Variants in ING3 observed in about 807,000 individuals in gnomAD.
ING3 encodes inhibitor of growth family member 3, also known as inhibitor of growth protein 3.
In ING3, 6 loss-of-function variants were observed where a neutral mutation model predicts 64.8. That is an observed-to-expected ratio of 0.09 (90% confidence interval 0.05 to 0.18). The LOEUF (loss-of-function observed/expected upper bound fraction) is 0.18, where lower values mean the gene tolerates loss of function less well. Ranked by LOEUF, ING3 falls within the 10% of genes least tolerant of loss-of-function variation. The pLI is 1.00. For synonymous variants in ING3, 170 were observed against 173.7 expected, an observed-to-expected ratio of 0.98 and a Z score of 0.17; for missense variants, 310 against 489.7, an observed-to-expected ratio of 0.63 and a Z score of 3.46.
At chr7:120,971,131 G>A (rs1796065276) in intron 10 of ING3, among the ~76,000 whole-genome samples, 1 of 152,146 alleles carries the variant, frequency 6.6e-6, no homozygotes, top group African/African-American at 2.4e-5. Flanking sequence ...TATACCTCAT[G>A]TGCACATTGG....
intron 5 of ING3, among the ~76,000 whole-genome samples, chr7:120,966,061 A>T (rs769644323): frequency 2.3e-4 from 35 of 152,310 alleles, no homozygotes; most frequent in Non-Finnish European, 4.3e-4. Context: ...ATCTCAAGGG[A>T]TCAAAAATAA....
intron 4 of ING3, chr7:120,956,173 AG>A: frequency 1.2e-6 from 2 of 1,609,026 alleles, no homozygotes; most frequent in South Asian, 2.2e-5. Context: ...CACTTCTAAA[AG>A]ATTGAAAACA....
At chr7:120,951,565 T>C (rs1795766346) in intron 2 of ING3, among the ~76,000 whole-genome samples, 1 of 152,228 alleles carries the variant, frequency 6.6e-6, no homozygotes, top group African/African-American at 2.4e-5. Context: ...TGAGATGTCG[T>C]CTTGAGCCTT....
intron 4 of ING3, among the ~76,000 whole-genome samples, chr7:120,961,774 G>A (rs1007007317): frequency 1.3e-5 from 2 of 152,166 alleles, no homozygotes; most frequent in African/African-American, 2.4e-5. Flanking sequence ...TATGATTTGG[G>A]GTTGTAGAAT....
chr7:120,953,408 T>C lies in ING3; in HGVS notation c.201+4T>C, dbSNP rs760490607. 5 of 1,534,720 alleles carry C rather than the reference T, an allele frequency of 3.3e-6. No individual in the cohort carries two copies. In the East Asian group the frequency reaches 6.8e-5, roughly 21 times the overall value. On this transcript the variant is annotated splice_donor_region_variant and intron_variant, in intron 3 of 11. Transcript: ENST00000315870. ...GCAAATGGCATCCATCAAAAAAGTATGTGCAACACTTTGGATAATTTATCA... is the reference window on the plus strand; with the variant it reads ...GCAAATGGCATCCATCAAAAAAGTACGTGCAACACTTTGGATAATTTATCA...
At chr7:120,951,015 GGGC>G in intron 1 of ING3, 91 bp downstream of exon 1, 1 of 1,492,190 alleles carries the variant, frequency 6.7e-7, no homozygotes, top group Non-Finnish European at 9.3e-7. Flanking sequence ...GGGAGGGAGG[GGGC>G]GGCGGGGGAT....
chr7:120,956,808 CTGTA>C (rs1265597234), intron 4 of ING3: 4 of 974,898 alleles, frequency 4.1e-6, no homozygotes, highest in Non-Finnish European at 4.9e-6. Flanking sequence ...TATTCAATGA[CTGTA>C]TGTATCAGTC....
intron 11 of ING3, among the ~76,000 whole-genome samples, chr7:120,974,275 G>A (rs769106982): frequency 6.6e-6 from 1 of 152,144 alleles, no homozygotes; most frequent in African/African-American, 2.4e-5. Flanking sequence ...TCAAGGAATA[G>A]AAACACCCAC....
At chr7:120,953,478 G>A (rs1227311010) in intron 3 of ING3, 74 bp downstream of exon 3, 2 of 845,282 alleles carry the variant, frequency 2.4e-6, no homozygotes, top group African/African-American at 3.5e-5. Context: ...AAATTAAATA[G>A]TGGTCTGGAT....
At chr7:120,952,975 G>A (rs550199995) in intron 2 of ING3, among the ~76,000 whole-genome samples, 4 of 151,884 alleles carry the variant, frequency 2.6e-5, no homozygotes, top group East Asian at 1.9e-4. Flanking sequence ...ATTGTGTTTC[G>A]GTACATTTGT....
At chr7:120,960,939 T>A (rs968181891) in intron 4 of ING3, among the ~76,000 whole-genome samples, 1 of 152,362 alleles carries the variant, frequency 6.6e-6, no homozygotes, top group Non-Finnish European at 1.5e-5. Context: ...TTTGAGCTTT[T>A]AGTTAATGCT....
Position 120,969,171 on chromosome 7 carries a change from C to T in ING3, c.875C>T (p.Ser292Leu), listed in dbSNP as rs745425792. ...MTTLTQNASS[S>L]AADSRSGRKS... ...ACATTAACACAGAATGCCAGTTCAT[C>T]AGCAGCCGACTCACGGAGTGGTCGA... Residue 292 changes from serine (S) to leucine (L), a missense_variant, in exon 9 of 12, where the codon TCA becomes TTA. Coordinates refer to ENST00000315870, the MANE Select transcript of ING3 (RefSeq NM_019071.3). 1.2e-6 allele frequency: 2 copies of T among 1,613,662 alleles called. No homozygotes were observed. The highest frequency in any genetic ancestry group is 1.1e-5 in the South Asian group (1 of 91,048).
chr7:120,956,516 T>A, intron 4 of ING3: 2 of 1,057,574 alleles, frequency 1.9e-6, no homozygotes, highest in Non-Finnish European at 2.3e-6. Flanking sequence ...TGAAAATGTG[T>A]CATGTAGAGC....
rs760246978 is a variant in ING3, at chr7:120,967,886, CA to C, written c.557-47del. ...AAATAATGTAATTTAGACTCACTAA[CA>C]TTATGTTCTCTGCAACCATTTTTAT... On this transcript the variant is annotated intron_variant, in intron 7 of 11. Transcript: ENST00000315870. The C allele has an allele frequency of 4.5e-5, 71 of 1,584,774 alleles. 1 individual carries two copies. The African/African-American group carries it at 7.5e-4, about 17-fold the overall frequency.
intron 3 of ING3, 73 bp downstream of exon 3, chr7:120,953,477 AGTG>A: frequency 1.2e-6 from 1 of 846,220 alleles, no homozygotes; most frequent in Non-Finnish European, 2.0e-6. Flanking sequence ...AAAATTAAAT[AGTG>A]GTCTGGATAT....
intron 2 of ING3, 73 bp downstream of exon 2, chr7:120,951,308 C>T: frequency 7.2e-7 from 1 of 1,388,746 alleles, no homozygotes; most frequent in Admixed American, 1.7e-5. Flanking sequence ...TCACTGCTAG[C>T]GCCTAGTGCT....
intron 4 of ING3, among the ~76,000 whole-genome samples, chr7:120,960,362 A>G (rs1183694331): frequency 1.3e-5 from 2 of 152,184 alleles, no homozygotes; most frequent in Non-Finnish European, 2.9e-5. Flanking sequence ...AAGCCAGTGA[A>G]GGACTTTAAA....
rs1048645962 is a variant in ING3 at position 120,976,350 on chromosome 7, G to C, written c.*1506G>C. On this transcript the variant is annotated 3_prime_UTR_variant, in exon 12 of 12. Coordinates refer to ENST00000315870, the MANE Select transcript of ING3 (RefSeq NM_019071.3). ...TAAAATCTATGCAGTGCTACCCAAA[G>C]GGTGTGAGGTAGATAGGGGATTTCA... The C allele has an allele frequency of 5.9e-5, 9 of 152,084 alleles. No individual in the cohort carries two copies. The highest frequency in any genetic ancestry group is 4.6e-4 in the Admixed American group (7 of 15,266). 9.4% of individuals were successfully genotyped at this position (152,084 alleles called of 1,614,324 possible).
chr7:120,954,083 T>G (rs934490155), intron 3 of ING3, among the ~76,000 whole-genome samples: 2 of 152,136 alleles, frequency 1.3e-5, no homozygotes, highest in Non-Finnish European at 2.9e-5. Context: ...TCTTAATATT[T>G]CTGAATAATA....
Sources: gnomAD v4.1 joint callset for allele counts (sites outside exome capture counted in the v4.1 genomes callset) on GRCh38, gnomAD v4.1.1 for gene constraint, MANE v1.5 for transcripts, NCBI Gene and HGNC (gene_info 2026-07-23, HGNC 2026-07-21) for gene names.